PTPRT: variants seen among roughly 807,000 people sequenced by gnomAD.
PTPRT encodes protein tyrosine phosphatase receptor type T, also known as receptor-type tyrosine-protein phosphatase T.
Under a neutral mutation model 176.8 loss-of-function variants are expected in PTPRT, and 56 were observed. The ratio of observed to expected loss-of-function variants is 0.32; its 90% CI spans 0.26 to 0.40. PTPRT has a LOEUF of 0.40. Ranked by LOEUF, PTPRT falls within the 10% of genes least tolerant of loss-of-function variation. The pLI, the probability that PTPRT is intolerant of heterozygous loss-of-function variation, is 1.00. For synonymous variants in PTPRT, 783 were observed against 739.0 expected, an observed-to-expected ratio of 1.06 and a Z score of -0.96; for missense variants, 1,540 against 1,908.2, an observed-to-expected ratio of 0.81 and a Z score of 3.60.
intron 7 of PTPRT, among the ~76,000 whole-genome samples, chr20:42,662,014 T>C (rs1475023760): frequency 6.6e-6 from 1 of 152,166 alleles, no homozygotes; most frequent in East Asian, 1.9e-4. Flanking sequence ...GAGTGAGCTT[T>C]GTGAACACAG....
chr20:42,332,642 ATTT>A (rs879417932), intron 11 of PTPRT, among the ~76,000 whole-genome samples: 1 of 147,306 alleles, frequency 6.8e-6, no homozygotes, highest in Non-Finnish European at 1.5e-5. Context: ...TGTGGAAAAC[ATTT>A]TTTTTTTTTG....
intron 16 of PTPRT, among the ~76,000 whole-genome samples, chr20:42,198,200 A>G (rs1991305965): frequency 6.6e-6 from 1 of 152,236 alleles, no homozygotes; most frequent in Non-Finnish European, 1.5e-5. Flanking sequence ...GGCTGGCCAA[A>G]CACACTTAGC....
chr20:42,749,878 G>C (rs1049309982), intron 6 of PTPRT, among the ~76,000 whole-genome samples: 2 of 152,152 alleles, frequency 1.3e-5, no homozygotes, highest in Non-Finnish European at 2.9e-5. Context: ...AGAGCAAAAC[G>C]GGACCAGCCA....
chr20:42,951,401 G>A lies in PTPRT; in HGVS notation c.89-65469C>T, dbSNP rs531969053. ...GATAGATGAATAAATAGATGGGGGG[G>A]TGGGTAAGCGAGTGGATGGATGGAT... On this transcript the variant is annotated intron_variant, in intron 1 of 30. Coordinates refer to ENST00000373187, the MANE Select transcript of PTPRT (RefSeq NM_007050.6). Among the ~76,000 whole-genome samples the A allele has an allele frequency of 4.7e-5, 7 of 150,462 alleles. No individual in the cohort carries two copies. The South Asian group carries it at 8.7e-4, about 19-fold the overall frequency.
intron 1 of PTPRT, among the ~76,000 whole-genome samples, chr20:43,119,419 T>C (rs1300920910): frequency 2.0e-5 from 3 of 152,244 alleles, no homozygotes; most frequent in Non-Finnish European, 4.4e-5. Flanking sequence ...TTCTATTTTA[T>C]TCATTCTTTT....
chr20:42,312,040 A>T (rs745560524), intron 12 of PTPRT, among the ~76,000 whole-genome samples: 2 of 152,220 alleles, frequency 1.3e-5, no homozygotes, highest in African/African-American at 2.4e-5. Flanking sequence ...TTTTTACATT[A>T]TGCATCTTTG....
intron 9 of PTPRT, among the ~76,000 whole-genome samples, chr20:42,428,542 T>A (rs946728223): frequency 6.6e-6 from 1 of 152,200 alleles, no homozygotes; most frequent in African/African-American, 2.4e-5. Context: ...TTTCCTTTGA[T>A]GTTGACACAC....
intron 6 of PTPRT, among the ~76,000 whole-genome samples, chr20:42,691,830 G>A (rs1169847790): frequency 2.0e-5 from 3 of 152,180 alleles, no homozygotes; most frequent in African/African-American, 7.2e-5. Flanking sequence ...AATAGAATTA[G>A]TGGCTTCATG....
chr20:42,399,452 A>G (rs1420312712), intron 9 of PTPRT, among the ~76,000 whole-genome samples: 1 of 152,220 alleles, frequency 6.6e-6, no homozygotes, highest in Non-Finnish European at 1.5e-5. Flanking sequence ...AGTGCAAACC[A>G]AGAAGTCTAA....
chr20:42,366,898 A>T (rs2058522368), intron 9 of PTPRT, among the ~76,000 whole-genome samples: 1 of 152,224 alleles, frequency 6.6e-6, no homozygotes, highest in South Asian at 2.1e-4. Context: ...CACCCATTGG[A>T]GGGAAAAGTC....
At chr20:42,190,788 G>GCTGCCT (rs1415676267) in intron 16 of PTPRT, among the ~76,000 whole-genome samples, 1 of 152,154 alleles carries the variant, frequency 6.6e-6, no homozygotes, top group East Asian at 1.9e-4. Context: ...AAGTTTCCTT[G>GCTGCCT]TCTATGAAAT....
chr20:42,485,054 G>A (rs2145347771), intron 7 of PTPRT, among the ~76,000 whole-genome samples: 1 of 152,354 alleles, frequency 6.6e-6, no homozygotes, highest in South Asian at 2.1e-4. Context: ...CAAATGCTGG[G>A]AAGAATTAAA....
At chr20:42,833,447 C>A (rs191220178) in intron 2 of PTPRT, among the ~76,000 whole-genome samples, 1 of 151,646 alleles carries the variant, frequency 6.6e-6, no homozygotes, top group African/African-American at 2.4e-5. Context: ...TAAAGTGGGG[C>A]ATGTGCCTAT....
At chr20:42,212,301 T>TAA (rs763081026) in intron 15 of PTPRT, among the ~76,000 whole-genome samples, 2 of 52,978 alleles carry the variant, frequency 3.8e-5, no homozygotes, top group African/African-American at 5.0e-5. Context: ...ACTTAAAGTA[T>TAA]AAAAAAAAAA....
At chr20:42,242,984 A>G (rs997535980) in intron 14 of PTPRT, among the ~76,000 whole-genome samples, 1 of 142,102 alleles carries the variant, frequency 7.0e-6, no homozygotes, top group African/African-American at 2.5e-5. Context: ...CAATAGGGCT[A>G]TAGAGGTCTG....
intron 9 of PTPRT, among the ~76,000 whole-genome samples, chr20:42,426,730 C>A (rs933655536): frequency 1.3e-5 from 2 of 152,190 alleles, no homozygotes; most frequent in African/African-American, 4.8e-5. Flanking sequence ...TGAGCTCCCC[C>A]TCCCGTAAGG....
At position 42,925,678 on chromosome 20, in the gene PTPRT, T is replaced by G. The variant is rs139032712; in HGVS notation, c.89-39746A>C. Among the ~76,000 whole-genome samples the G allele has an allele frequency of 2.5e-3, 384 of 151,936 alleles. 1 individual carries two copies. Among genetic ancestry groups the G allele is most frequent in the African/African-American group, 8.8e-3 (364 of 41,292 alleles). Reference sequence around the variant, plus strand: ...GAATCAAAATCACCTGGAGAATCATTCAGATTGCCAGGCCCTGCCCCCTTG... The same window carrying G: ...GAATCAAAATCACCTGGAGAATCATGCAGATTGCCAGGCCCTGCCCCCTTG... On this transcript the variant is annotated intron_variant, in intron 1 of 30. Transcript: ENST00000373187.
chr20:42,916,736 TG>T (rs1978785804), intron 1 of PTPRT, among the ~76,000 whole-genome samples: 1 of 152,296 alleles, frequency 6.6e-6, no homozygotes, highest in South Asian at 2.1e-4. Flanking sequence ...CATTTTTTCA[TG>T]TTTTTTTTGA....
At chr20:42,567,978 T>C (rs1208785283) in intron 7 of PTPRT, among the ~76,000 whole-genome samples, 1 of 151,904 alleles carries the variant, frequency 6.6e-6, no homozygotes, top group Non-Finnish European at 1.5e-5. Flanking sequence ...TTTTGCTTTT[T>C]TTTTTTTTGG....
Sources: allele counts gnomAD v4.1 joint callset (sites outside exome capture counted in the v4.1 genomes callset), GRCh38; gene constraint gnomAD v4.1.1; transcripts MANE v1.5; gene names NCBI Gene and HGNC (gene_info 2026-07-23, HGNC 2026-07-21).